The following ALG9 variants were observed in gnomAD, a reference collection of about 807,000 sequenced individuals.
The protein encoded by ALG9 is alpha-1,2-mannosyltransferase ALG9.
Under a neutral mutation model 81.8 loss-of-function variants are expected in ALG9, and 55 were observed. The observed-to-expected ratio is 0.67, with a 90% CI of 0.54 to 0.84. The LOEUF is 0.84. Ranked by LOEUF, ALG9 falls within the 40% of genes least tolerant of loss-of-function variation. ALG9 has a pLI of 0.00. For synonymous variants in ALG9, 278 were observed against 274.3 expected, an observed-to-expected ratio of 1.01 and a Z score of -0.13; for missense variants, 629 against 745.0, an observed-to-expected ratio of 0.84 and a Z score of 1.81.
intron 14 of ALG9, among the ~76,000 whole-genome samples, chr11:111,797,915 T>A (rs1454051886): frequency 6.6e-6 from 1 of 152,196 alleles, no homozygotes; most frequent in Non-Finnish European, 1.5e-5. Flanking sequence ...AGTCCCCAAC[T>A]TGCCCTTTGA....
intron 8 of ALG9, among the ~76,000 whole-genome samples, chr11:111,851,232 A>G (rs1957761591): frequency 6.6e-6 from 1 of 152,146 alleles, no homozygotes; most frequent in Non-Finnish European, 1.5e-5. Flanking sequence ...TAATCCCAGC[A>G]CTTTGGGAGG....
At chr11:111,840,596 G>A (rs1305559418) in intron 10 of ALG9, 59 bp downstream of exon 10, 3 of 1,598,310 alleles carry the variant, frequency 1.9e-6, no homozygotes, top group Non-Finnish European at 2.6e-6. Flanking sequence ...TTAAGTTTGT[G>A]AGCAATTATT....
At chr11:111,858,768 A>G (rs1959116583) in intron 5 of ALG9, among the ~76,000 whole-genome samples, 1 of 152,224 alleles carries the variant, frequency 6.6e-6, no homozygotes, top group African/African-American at 2.4e-5. Context: ...AACAACCACA[A>G]TTAATAGGCA....
chr11:111,847,360 T>C lies in ALG9; in HGVS notation c.896-2637A>G, dbSNP rs141075399. Among the ~76,000 whole-genome samples the C allele has an allele frequency of 1.0e-3, 157 of 152,338 alleles. 2 individuals carry two copies. In the East Asian group the frequency reaches 0.023, roughly 23 times the overall value. On this transcript the variant is annotated intron_variant, in intron 8 of 14. Coordinates refer to ENST00000616540, the MANE Select transcript of ALG9 (RefSeq NM_024740.2). ...GTATCGTCTGAAACTTTCCATCCAG[T>C]GATCAGACAGATGTTGATAAAACAC... is the stretch of plus-strand genomic sequence containing the variant.
chr11:111,857,230 T>A (rs1958844899), intron 6 of ALG9, among the ~76,000 whole-genome samples: 1 of 152,166 alleles, frequency 6.6e-6, no homozygotes, highest in East Asian at 1.9e-4. Flanking sequence ...ACATCAGCTA[T>A]AGAGTCAAAA....
chr11:111,826,006 C>T (rs1234505435), intron 13 of ALG9, among the ~76,000 whole-genome samples: 2 of 151,076 alleles, frequency 1.3e-5, no homozygotes, highest in African/African-American at 2.4e-5. Flanking sequence ...GCAGAGGTTG[C>T]GGTGAGCCGA....
chr11:111,804,383 A>T (rs1425892936), intron 14 of ALG9, among the ~76,000 whole-genome samples: 8 of 152,196 alleles, frequency 5.3e-5, no homozygotes, highest in African/African-American at 1.9e-4. Context: ...CTTGCAAAAG[A>T]CATATCAAAT....
rs1555060004 is a variant in ALG9 at position 111,784,159 on chromosome 11, G to GA, written c.*2237dup. 6.6e-6 allele frequency: 1 copy of GA among 152,154 alleles called. No individual in the cohort carries two copies. Among genetic ancestry groups the GA allele is most frequent in the Non-Finnish European group, 1.5e-5 (1 of 68,020 alleles). The allele number at this position is 152,154 out of a possible 1,614,324, so 9.4% of individuals were successfully genotyped here. ...GATCATATGTGCTAGTTTTACACTG[G>GA]AAAATAGTAATCAAGAATTGAGAAT... On this transcript the variant is annotated 3_prime_UTR_variant, in exon 15 of 15. Coordinates refer to ENST00000616540, the MANE Select transcript of ALG9 (RefSeq NM_024740.2).
chr11:111,799,250 G>C (rs1178342342), intron 14 of ALG9, among the ~76,000 whole-genome samples: 1 of 152,130 alleles, frequency 6.6e-6, no homozygotes, highest in Admixed American at 6.5e-5. Context: ...GGGTTCAAGT[G>C]ATTCTCCTGC....
At chr11:111,859,822 T>C (rs1959404267) in intron 5 of ALG9, among the ~76,000 whole-genome samples, 1 of 152,028 alleles carries the variant, frequency 6.6e-6, no homozygotes, top group South Asian at 2.1e-4. Context: ...GTATACTCTG[T>C]ATATACTAGA....
intron 14 of ALG9, among the ~76,000 whole-genome samples, chr11:111,792,901 T>C (rs1712756172): frequency 6.6e-6 from 1 of 152,250 alleles, no homozygotes; most frequent in African/African-American, 2.4e-5. Flanking sequence ...CTAACTAATT[T>C]CTTCCAGAAG....
intron 13 of ALG9, among the ~76,000 whole-genome samples, chr11:111,833,181 T>C (rs112780192): frequency 1.3e-3 from 199 of 152,306 alleles, no homozygotes; most frequent in African/African-American, 4.5e-3. Context: ...TCCTAAATCA[T>C]ATACTAGATT....
chr11:111,816,557 C>G (rs1951510544), intron 13 of ALG9, among the ~76,000 whole-genome samples: 1 of 151,610 alleles, frequency 6.6e-6, no homozygotes, highest in Non-Finnish European at 1.5e-5. Flanking sequence ...GCTGGCCATT[C>G]TTTCTTTCTT....
chr11:111,776,953 T>C, the ALG9 span, among the ~76,000 whole-genome samples: 1 of 152,258 alleles, frequency 6.6e-6, no homozygotes, highest in Admixed American at 6.5e-5. Context: ...TACTGTGCCA[T>C]GGATAATGAA....
At chr11:111,781,791 G>A (rs1180899456), downstream of ALG9, among the ~76,000 whole-genome samples, 2 of 152,146 alleles carry the variant, frequency 1.3e-5, no homozygotes, top group Non-Finnish European at 2.9e-5. Context: ...GGGATTACAG[G>A]CATGCGCCAC....
At chr11:111,817,327 T>C (rs1189482002) in intron 13 of ALG9, 1 of 152,264 alleles carries the variant, frequency 6.6e-6, no homozygotes, top group Non-Finnish European at 1.5e-5. Context: ...TAGTTACTAC[T>C]GTAATATTCA....
chr11:111,867,818 TG>T (rs1385999751), intron 3 of ALG9, among the ~76,000 whole-genome samples: 1 of 152,216 alleles, frequency 6.6e-6, no homozygotes, highest in Non-Finnish European at 1.5e-5. Context: ...TTAAGCTTTC[TG>T]TTTTAGCTGG....
intron 14 of ALG9, chr11:111,798,034 C>T (rs1555076913): frequency 1.2e-5 from 2 of 160,640 alleles, no homozygotes; most frequent in Non-Finnish European, 2.8e-5. Context: ...GAAACCCTGT[C>T]TCTACAAAAA....
At chr11:111,804,225 G>A (rs1464674184) in intron 14 of ALG9, among the ~76,000 whole-genome samples, 1 of 151,828 alleles carries the variant, frequency 6.6e-6, no homozygotes, top group East Asian at 1.9e-4. Context: ...ATGAACTCGG[G>A]TTTGGCAATG....
Sources: allele counts gnomAD v4.1 joint callset (sites outside exome capture counted in the v4.1 genomes callset), GRCh38; gene constraint gnomAD v4.1.1; transcripts MANE v1.5; gene names NCBI Gene and HGNC (gene_info 2026-07-23, HGNC 2026-07-21).